GDAP1: variants seen among roughly 807,000 people sequenced by gnomAD.
GDAP1 encodes the protein ganglioside-induced differentiation-associated protein 1.
Under a neutral mutation model 40.1 loss-of-function variants are expected in GDAP1, and 34 were observed. The observed-to-expected ratio is 0.85, with a 90% CI of 0.64 to 1.13. The LOEUF is 1.13. Among genes scored for constraint, GDAP1 ranks in the 50% most tolerant of loss-of-function variants. The pLI, the probability that GDAP1 is intolerant of heterozygous loss-of-function variation, is 0.00. For missense variants in GDAP1, 374 were observed against 433.7 expected, an observed-to-expected ratio of 0.86 and a Z score of 1.22; for synonymous variants, 170 against 157.4, an observed-to-expected ratio of 1.08 and a Z score of -0.60.
chr8:74,463,941 G>GAAAA (rs141048530), intron 2 of GDAP1, among the ~76,000 whole-genome samples: 32 of 152,072 alleles, frequency 2.1e-4, no homozygotes, highest in Middle Eastern at 3.4e-3. Context: ...AGCATAAAGG[G>GAAAA]AAAAAATCCA....
chr8:74,410,358 G>A (rs1805694273), intron 2 of GDAP1, among the ~76,000 whole-genome samples: 2 of 150,188 alleles, frequency 1.3e-5, no homozygotes, highest in Admixed American at 1.3e-4. Flanking sequence ...ACCATTAGCA[G>A]TAATGGAGGC....
chr8:74,468,690 A>G (rs2131583095), intron 2 of GDAP1, among the ~76,000 whole-genome samples: 1 of 152,250 alleles, frequency 6.6e-6, no homozygotes, highest in South Asian at 2.1e-4. Context: ...ATTGTTTGTA[A>G]TAGTTTTCTA....
intron 2 of GDAP1, among the ~76,000 whole-genome samples, chr8:74,484,288 A>G (rs557232601): frequency 2.0e-4 from 31 of 152,298 alleles, no homozygotes; most frequent in African/African-American, 7.2e-4. Flanking sequence ...ATTCCAGGAC[A>G]TATTAGCAGG....
chr8:74,358,974 G>C (rs1028146471), intron 2 of GDAP1, among the ~76,000 whole-genome samples: 1 of 152,182 alleles, frequency 6.6e-6, no homozygotes, highest in African/African-American at 2.4e-5. Flanking sequence ...AATTGTGATA[G>C]TTATTAGACC....
chr8:74,367,522 GA>G (rs202092787), downstream of GDAP1, among the ~76,000 whole-genome samples: 8,552 of 145,386 alleles, frequency 0.059, 284 homozygotes, highest in East Asian at 0.12. Flanking sequence ...AGTCTGCTCA[GA>G]AAAAAAAAAC....
At chr8:74,460,170 C>T (rs959811092) in intron 2 of GDAP1, among the ~76,000 whole-genome samples, 6 of 152,120 alleles carry the variant, frequency 3.9e-5, no homozygotes, top group Non-Finnish European at 7.4e-5. Flanking sequence ...GTGTGCCCCA[C>T]GAATGGGGAT....
In GDAP1 at chr8:74,365,413, G is replaced by A. The variant is rs905205817; in HGVS notation, c.*1046G>A. On this transcript the variant is annotated 3_prime_UTR_variant, in exon 6 of 6. Transcript: ENST00000220822. ...TGATGTATGTTTAAGGGATTTGGGG[G>A]GGATACCTCAGTTCATGTGGAAGGG... 1 of 453,688 alleles carries A rather than the reference G, an allele frequency of 2.2e-6. No individual in the cohort carries two copies. The highest frequency in any genetic ancestry group is 4.4e-6 in the Non-Finnish European group (1 of 226,738). 28.1% of individuals were successfully genotyped at this position (453,688 alleles called of 1,614,324 possible).
chr8:74,456,731 A>G (rs184089823), intron 2 of GDAP1, among the ~76,000 whole-genome samples: 7 of 152,144 alleles, frequency 4.6e-5, no homozygotes, highest in Admixed American at 3.9e-4. Flanking sequence ...GAAACCCACT[A>G]TGCAATTATA....
intron 2 of GDAP1, among the ~76,000 whole-genome samples, chr8:74,359,350 C>G (rs1421168521): frequency 6.6e-6 from 1 of 152,174 alleles, no homozygotes; most frequent in Admixed American, 6.5e-5. Flanking sequence ...AAACATTATA[C>G]TAGGCACTGG....
At chr8:74,370,368 G>T (rs947774489), downstream of GDAP1, among the ~76,000 whole-genome samples, 1 of 152,212 alleles carries the variant, frequency 6.6e-6, no homozygotes, top group South Asian at 2.1e-4. Flanking sequence ...TTAGTGATAT[G>T]TAAAGAATGA....
chr8:74,409,348 C>T (rs555544850), intron 2 of GDAP1, among the ~76,000 whole-genome samples: 1 of 149,702 alleles, frequency 6.7e-6, no homozygotes, highest in South Asian at 2.1e-4. Flanking sequence ...TTTTTCTTAT[C>T]TGAGTTCCTT....
chr8:74,476,205 A>G (rs1488226292), intron 2 of GDAP1, among the ~76,000 whole-genome samples: 1 of 152,168 alleles, frequency 6.6e-6, no homozygotes, highest in African/African-American at 2.4e-5. Flanking sequence ...TCTCTTGAAG[A>G]CAACATACGA....
chr8:74,418,215 A>T (rs1488122123), intron 2 of GDAP1, among the ~76,000 whole-genome samples: 1 of 152,262 alleles, frequency 6.6e-6, no homozygotes, highest in Non-Finnish European at 1.5e-5. Context: ...AAGCAAAAGA[A>T]CTACAATAGC....
intron 2 of GDAP1, among the ~76,000 whole-genome samples, chr8:74,374,250 A>G (rs1262598442): frequency 2.0e-5 from 3 of 152,154 alleles, no homozygotes; most frequent in South Asian, 2.1e-4. Context: ...AGCCTTTGGT[A>G]TCAGGATGAT....
In GDAP1 at chr8:74,422,325, C is replaced by A. The variant is rs1429031677; in HGVS notation, c.166-66353C>A. On this transcript the variant is annotated intron_variant, in intron 2 of 2. Transcript: ENST00000523640. Reference sequence around the variant, plus strand: ...TCTTTCTTTCTTTCTTTCTTTCTTTCTTTCTTTCTTTCTTTCTTTCTTTCT... The same window carrying A: ...TCTTTCTTTCTTTCTTTCTTTCTTTATTTCTTTCTTTCTTTCTTTCTTTCT... 7.3e-4 allele frequency among the ~76,000 whole-genome samples: 40 copies of A among 54,780 alleles called. No individual in the cohort carries two copies. The East Asian group carries it at 0.022, about 30-fold the overall frequency. 35.9% of individuals were successfully genotyped at this position (54,780 alleles called of 152,430 possible). A position where few individuals can be genotyped will look rare whatever the true frequency, so the allele number is the denominator to read the frequency against.
chr8:74,432,098 GTCTC>G (rs1241500160), intron 2 of GDAP1, among the ~76,000 whole-genome samples: 1 of 152,090 alleles, frequency 6.6e-6, no homozygotes, highest in Non-Finnish European at 1.5e-5. Flanking sequence ...AAGATAGAGG[GTCTC>G]TCTCTCCCTC....
rs143063749 is a variant in GDAP1 at position 74,350,500 on chromosome 8, C to T, written c.39C>T (p.Pro13=). The stretch of plus-strand genomic sequence containing the variant: ...AGGAAGAGCAGAGAGGGAGCCCGCC[C>T]TTGAGGGCGGAAGGCAAGGCCGACG... The part of the protein sequence containing the change: ...ERQEEQRGSP[P]LRAEGKADAE... The change falls in exon 1 of 6, where the codon CCC becomes CCT. Residue 13 remains proline, a synonymous_variant. Coordinates refer to ENST00000220822, the MANE Select transcript of GDAP1 (RefSeq NM_018972.4). The T allele has an allele frequency of 1.5e-5, 24 of 1,613,496 alleles. No homozygotes were observed. The highest frequency in any genetic ancestry group is 1.3e-4 in the African/African-American group (10 of 74,946).
At chr8:74,399,347 G>A (rs1475506377) in intron 2 of GDAP1, among the ~76,000 whole-genome samples, 1 of 149,886 alleles carries the variant, frequency 6.7e-6, no homozygotes, top group Non-Finnish European at 1.5e-5. Context: ...AGAGGTGTTT[G>A]TAGTATTCTC....
intron 2 of GDAP1, among the ~76,000 whole-genome samples, chr8:74,439,085 A>C (rs1806128909): frequency 6.6e-6 from 1 of 151,110 alleles, no homozygotes; most frequent in Non-Finnish European, 1.5e-5. Flanking sequence ...GGAAGTCTTA[A>C]ATTTTAATGT....
Sources: gnomAD v4.1 joint callset for allele counts (sites outside exome capture counted in the v4.1 genomes callset) on GRCh38, gnomAD v4.1.1 for gene constraint, MANE v1.5 for transcripts, NCBI Gene and HGNC (gene_info 2026-07-23, HGNC 2026-07-21) for gene names.